The following PCDHGA7 variants were observed in gnomAD, a reference collection of about 807,000 sequenced individuals.
The protein encoded by PCDHGA7 is protocadherin gamma subfamily A, 7.
In PCDHGA7, 44 loss-of-function variants were observed where a neutral mutation model predicts 58.3. The ratio of observed to expected loss-of-function variants is 0.75; its 90% CI spans 0.59 to 0.97. The LOEUF is 0.97. Ranked by LOEUF, PCDHGA7 falls within the 50% of genes least tolerant of loss-of-function variation. The pLI is 0.00. For missense variants in PCDHGA7, 1,266 were observed against 1,188.7 expected, an observed-to-expected ratio of 1.06 and a Z score of -0.96; for synonymous variants, 516 against 504.2, an observed-to-expected ratio of 1.02 and a Z score of -0.31.
intron 1 of PCDHGA7, chr5:141,478,531 C>G (rs771145308): frequency 1.2e-6 from 2 of 1,608,190 alleles, no homozygotes; most frequent in East Asian, 2.2e-5. Context: ...GTGCAGAGAG[C>G]GCCCCTCCCG....
intron 1 of PCDHGA7, chr5:141,414,753 T>A: frequency 6.2e-7 from 1 of 1,614,202 alleles, no homozygotes; most frequent in Non-Finnish European, 8.5e-7. Flanking sequence ...CCTTCGACTA[T>A]GAGCAGTTTC....
chr5:141,439,756 G>A (rs74623862), intron 1 of PCDHGA7: 30 of 152,422 alleles, frequency 2.0e-4, no homozygotes, highest in African/African-American at 7.0e-4. Context: ...CAGGCAATGA[G>A]TTCAGCTCCT....
intron 1 of PCDHGA7, among the ~76,000 whole-genome samples, chr5:141,435,225 A>G (rs919735003): frequency 5.9e-5 from 9 of 152,188 alleles, no homozygotes; most frequent in Non-Finnish European, 1.2e-4. Context: ...CTTTCTTTCA[A>G]AGTTCAGTAA....
At chr5:141,492,161 TC>T (rs1269738341) in intron 1 of PCDHGA7, among the ~76,000 whole-genome samples, 2 of 152,142 alleles carry the variant, frequency 1.3e-5, no homozygotes, top group Admixed American at 6.5e-5. Context: ...ACCCTCCCTA[TC>T]CCCGCATCAC....
chr5:141,450,826 A>ATTTT (rs764729742), intron 1 of PCDHGA7, among the ~76,000 whole-genome samples: 5 of 134,360 alleles, frequency 3.7e-5, no homozygotes, highest in East Asian at 2.1e-4. Flanking sequence ...TATTATTATT[A>ATTTT]TTATTTTTTT....
chr5:141,509,699 C>T (rs779592471), intron 3 of PCDHGA7, among the ~76,000 whole-genome samples: 4 of 152,168 alleles, frequency 2.6e-5, no homozygotes, highest in Non-Finnish European at 5.9e-5. Flanking sequence ...GGACGTTGGA[C>T]TGGAGGTGCT....
In PCDHGA7 at chr5:141,432,958, A is replaced by C; in HGVS notation, c.2424+47635A>C. 6.2e-7 allele frequency: 1 copy of C among 1,614,182 alleles called. No individual in the cohort carries two copies. Among genetic ancestry groups the C allele is most frequent in the African/African-American group, 1.3e-5 (1 of 75,056 alleles). On this transcript the variant is annotated intron_variant, in intron 1 of 3. Transcript: ENST00000518325. This position sits in a 1 kb window ranked among gnomAD's most constrained non-coding sequence, Gnocchi z 6.0. ...TGCAGGCTTCAGGAGGCGGCTTGAC[A>C]GGAGCGCCGGCGTCGCACTTTGTGG...
chr5:141,487,143 C>T lies in PCDHGA7; in HGVS notation c.2425-7664C>T. Reference sequence around the variant, plus strand: ...GATAGTGGTAGTCCACCACTCTCTACCTCTGTTACTCTCTTAGTGTCCTTA... The same window carrying T: ...GATAGTGGTAGTCCACCACTCTCTATCTCTGTTACTCTCTTAGTGTCCTTA... On this transcript the variant is annotated intron_variant, in intron 1 of 3. Coordinates refer to ENST00000518325, the MANE Select transcript of PCDHGA7 (RefSeq NM_018920.4). This position sits in a 1 kb window ranked among gnomAD's most constrained non-coding sequence, Gnocchi z 5.0. 1.2e-6 allele frequency: 2 copies of T among 1,614,028 alleles called. No homozygotes were observed. Among genetic ancestry groups the T allele is most frequent in the Non-Finnish European group, 1.7e-6 (2 of 1,179,862 alleles).
intron 1 of PCDHGA7, among the ~76,000 whole-genome samples, chr5:141,430,390 A>G (rs1231067120): frequency 6.6e-6 from 1 of 152,216 alleles, no homozygotes; most frequent in Non-Finnish European, 1.5e-5. Flanking sequence ...TGGGAAAAAA[A>G]AAAAAAGCTC....
intron 2 of PCDHGA7, among the ~76,000 whole-genome samples, chr5:141,499,689 C>CTTTTTTT (rs545067566): frequency 3.3e-5 from 4 of 119,856 alleles, no homozygotes; most frequent in Admixed American, 8.7e-5. Context: ...TAACAGATGA[C>CTTTTTTT]TTTTTTTTTT....
At chr5:141,413,082 A>T in intron 1 of PCDHGA7, 8 of 1,344,446 alleles carry the variant, frequency 6.0e-6, no homozygotes, top group Non-Finnish European at 8.1e-6. Context: ...CCCAGGCTAC[A>T]GAGACACCCT....
chr5:141,428,043 A>G, intron 1 of PCDHGA7: 1 of 1,608,722 alleles, frequency 6.2e-7, no homozygotes, highest in Non-Finnish European at 8.5e-7. Flanking sequence ...CTACCTGGTG[A>G]CCAAGGTGGT....
chr5:141,436,594 G>A (rs79477223), intron 1 of PCDHGA7, among the ~76,000 whole-genome samples: 2 of 152,106 alleles, frequency 1.3e-5, no homozygotes, highest in African/African-American at 2.4e-5. Flanking sequence ...AAAGGTCGTG[G>A]TGATGGCTAG....
At chr5:141,426,925 A>G in intron 1 of PCDHGA7, 1 of 456,756 alleles carries the variant, frequency 2.2e-6, no homozygotes, top group Non-Finnish European at 4.4e-6. Flanking sequence ...GAAGCAATGG[A>G]CATGGGTGAC....
chr5:141,485,500 C>T lies in PCDHGA7; in HGVS notation c.2425-9307C>T. 1 of 1,614,142 alleles carries T rather than the reference C, an allele frequency of 6.2e-7. No homozygotes were observed. The highest frequency in any genetic ancestry group is 8.5e-7 in the Non-Finnish European group (1 of 1,180,038). ...GCTGCATCGTGCCCCTGGAGTTTGT[C>T]ACCGAAGGTCCTTTGGAAATGTACC... On this transcript the variant is annotated intron_variant, in intron 1 of 3. Coordinates refer to ENST00000518325, the MANE Select transcript of PCDHGA7 (RefSeq NM_018920.4). The surrounding 1 kb of genome is among the most constrained non-coding windows in gnomAD (Gnocchi z 5.7).
chr5:141,407,868 A>AAT (rs1474357780), intron 1 of PCDHGA7, among the ~76,000 whole-genome samples: 1 of 152,242 alleles, frequency 6.6e-6, no homozygotes, highest in Admixed American at 6.5e-5. Context: ...ATTTTCGAAG[A>AAT]ATATATACAT....
rs1019219811 is a variant in PCDHGA7, at chr5:141,420,399, T to G, written c.2424+35076T>G. ...AGAGTTCGCAAAATATAGGTCAAAT[T>G]TATGGTTATCATTATTAAAACAAAA... On this transcript the variant is annotated intron_variant, in intron 1 of 3. Transcript: ENST00000518325. 5.6e-6 allele frequency: 7 copies of G among 1,257,080 alleles called. No individual in the cohort carries two copies. In the Admixed American group the frequency reaches 1.8e-4, roughly 32 times the overall value. 77.9% of individuals were successfully genotyped at this position (1,257,080 alleles called of 1,614,324 possible).
At chr5:141,433,361 A>G (rs1208326325) in intron 1 of PCDHGA7, 15 of 297,508 alleles carry the variant, frequency 5.0e-5, no homozygotes, top group Non-Finnish European at 7.0e-5. Context: ...CTGTCTGCCT[A>G]TCTATCTATC....
chr5:141,413,211 G>A, intron 1 of PCDHGA7: 1 of 1,613,214 alleles, frequency 6.2e-7, no homozygotes, highest in South Asian at 1.1e-5. Context: ...AGGAATCAAA[G>A]GATTGCAGCG....
Sources: allele counts gnomAD v4.1 joint callset (sites outside exome capture counted in the v4.1 genomes callset), GRCh38; gene constraint gnomAD v4.1.1; non-coding constraint Gnocchi (gnomAD v3.1); transcripts MANE v1.5; gene names NCBI Gene and HGNC (gene_info 2026-07-23, HGNC 2026-07-21).